The following DISC1 variants were observed in gnomAD, a reference collection of about 807,000 sequenced individuals.
DISC1 encodes the protein DISC1 scaffold protein.
Under a neutral mutation model 84.5 loss-of-function variants are expected in DISC1, and 57 were observed. The ratio of observed to expected loss-of-function variants is 0.67; its 90% CI spans 0.55 to 0.84. The LOEUF is 0.84. Ranked by LOEUF, DISC1 falls within the 40% of genes least tolerant of loss-of-function variation. DISC1 has a pLI of 0.00. For synonymous variants in DISC1, 411 were observed against 415.2 expected (o/e 0.99, Z 0.12); for missense variants, 1,000 against 1,057.8 (o/e 0.95, Z 0.76).
At position 231,800,194 on chromosome 1, in the gene DISC1, A is replaced by G; in HGVS notation, c.1776A>G (p.Lys592=). ...AACTACCAGCCTTGCTTGAAGCCAA[A>G]ATGCATGCCATATCAGGTAACTGGC... ...ETQLPALLEA[K]MHAISGNHFW... The change falls in exon 8 of 13, where the codon AAA becomes AAG. Residue 592 remains lysine, a synonymous_variant. Coordinates refer to ENST00000439617, the MANE Select transcript of DISC1 (RefSeq NM_018662.3). 1 of 1,611,996 alleles carries G rather than the reference A, an allele frequency of 6.2e-7. No individual in the cohort carries two copies. The highest frequency in any genetic ancestry group is 8.5e-7 in the Non-Finnish European group (1 of 1,179,580).
At chr1:231,814,637 T>TTTTTCTCCCCCAAGAATAAAGAG (rs1301599420) in intron 8 of DISC1, among the ~76,000 whole-genome samples, 3 of 152,150 alleles carry the variant, frequency 2.0e-5, no homozygotes, top group African/African-American at 7.2e-5. Flanking sequence ...GGGAGGCAAC[T>TTTTTCTCCCCCAAGAATAAAGAG]TTTTCTCCCC....
At chr1:231,738,089 TC>T (rs35571455) in intron 3 of DISC1, among the ~76,000 whole-genome samples, 26,367 of 152,078 alleles carry the variant, frequency 0.17, 2,518 homozygotes, top group East Asian at 0.34. Flanking sequence ...GCTCAAGCAA[TC>T]CTCCCACCTT....
chr1:231,972,004 A>G (rs2102824394), intron 10 of DISC1, among the ~76,000 whole-genome samples: 1 of 152,352 alleles, frequency 6.6e-6, no homozygotes, highest in African/African-American at 2.4e-5. Context: ...TGTAAATGGG[A>G]AAATAACGAA....
chr1:231,756,002 A>G (rs1293043648), intron 4 of DISC1, among the ~76,000 whole-genome samples: 1 of 152,234 alleles, frequency 6.6e-6, no homozygotes, highest in Non-Finnish European at 1.5e-5. Context: ...TGCTTGCAGG[A>G]TAAAATTCAT....
intron 1 of DISC1, among the ~76,000 whole-genome samples, chr1:231,663,757 C>T (rs937455937): frequency 8.5e-5 from 13 of 152,178 alleles, no homozygotes; most frequent in Non-Finnish European, 1.5e-4. Flanking sequence ...TATATTTAAT[C>T]TATTTGTTTG....
rs1441784142 is a variant in DISC1 at position 232,038,179 on chromosome 1, CAG to C, written c.*1349_*1350del. ...TAGGACAGCATAGTACTCAGTAACACAGGGCAGCTAGTACTCAGTACTATAAG... is the reference window on the plus strand; with the variant it reads ...TAGGACAGCATAGTACTCAGTAACACGGCAGCTAGTACTCAGTACTATAAG... On this transcript the variant is annotated 3_prime_UTR_variant, in exon 13 of 13. Transcript: ENST00000439617. The C allele has an allele frequency of 1.3e-5, 2 of 152,070 alleles. No homozygotes were observed. The highest frequency in any genetic ancestry group is 2.4e-5 in the African/African-American group (1 of 41,390). 9.4% of individuals were successfully genotyped at this position (152,070 alleles called of 1,614,324 possible). A position where few individuals can be genotyped will look rare whatever the true frequency, so the allele number is the denominator to read the frequency against.
At chr1:232,001,388 T>A (rs926320263) in intron 10 of DISC1, among the ~76,000 whole-genome samples, 1 of 152,114 alleles carries the variant, frequency 6.6e-6, no homozygotes, top group African/African-American at 2.4e-5. Context: ...AATAATATTT[T>A]AAAGTGCAGA....
intron 10 of DISC1, among the ~76,000 whole-genome samples, chr1:231,969,392 C>T (rs1425071961): frequency 1.3e-5 from 2 of 151,858 alleles, no homozygotes; most frequent in Non-Finnish European, 2.9e-5. Flanking sequence ...CTGGCTTGTT[C>T]TGGAGTTTTT....
chr1:231,892,400 C>T lies in DISC1; in HGVS notation c.1982-66428C>T, dbSNP rs146089598. Among the ~76,000 whole-genome samples the T allele has an allele frequency of 1.1e-3, 164 of 152,228 alleles. 1 individual carries two copies. The highest frequency in any genetic ancestry group is 3.6e-3 in the African/African-American group (149 of 41,552). ...GTGGGGTGTGGTGTCCAAGTAGTGC[C>T]TTCATGGCTCCCTCACTTATAAACT... On this transcript the variant is annotated intron_variant, in intron 9 of 12. Transcript: ENST00000439617.
intron 6 of DISC1, among the ~76,000 whole-genome samples, chr1:231,794,232 T>TG (rs1225285153): frequency 7.1e-6 from 1 of 140,080 alleles, no homozygotes; most frequent in African/African-American, 2.7e-5. Context: ...TTTATCTTCT[T>TG]GCTAGAATTT....
chr1:231,834,527 G>C (rs928165386), intron 9 of DISC1, among the ~76,000 whole-genome samples: 2 of 152,116 alleles, frequency 1.3e-5, no homozygotes, highest in African/African-American at 2.4e-5. Context: ...AAAATTGAAC[G>C]TGCCGTTTTC....
intron 1 of DISC1, among the ~76,000 whole-genome samples, chr1:231,662,861 C>T (rs2061673938): frequency 6.6e-6 from 1 of 151,980 alleles, no homozygotes; most frequent in Non-Finnish European, 1.5e-5. Flanking sequence ...AAAAGGTCAA[C>T]AAAACACAAA....
At chr1:231,721,616 A>C (rs1387666951) in intron 3 of DISC1, among the ~76,000 whole-genome samples, 1 of 139,436 alleles carries the variant, frequency 7.2e-6, no homozygotes, top group Non-Finnish European at 1.6e-5. Context: ...ACAGCTGTTC[A>C]ACATTTTTTG....
intron 2 of DISC1, among the ~76,000 whole-genome samples, chr1:231,700,591 A>C (rs1256096436): frequency 6.6e-6 from 1 of 152,192 alleles, no homozygotes; most frequent in Non-Finnish European, 1.5e-5. Context: ...ACAGATTTTC[A>C]ACTGTATAGG....
rs1429281319 is a variant in DISC1 at position 232,038,010 on chromosome 1, T to C, written c.*1179T>C. 1 of 152,106 alleles carries C rather than the reference T, an allele frequency of 6.6e-6. No homozygotes were observed. Among genetic ancestry groups the C allele is most frequent in the Non-Finnish European group, 1.5e-5 (1 of 68,150 alleles). The allele number at this position is 152,106 out of a possible 1,614,324, so 9.4% of individuals were successfully genotyped here. A position where few individuals can be genotyped will look rare whatever the true frequency, so the allele number is the denominator to read the frequency against. ...AGTACTCAGTAACACAGTGCAGTAC[T>C]CAGTAATACAGTACAGTACTCAGTA... On this transcript the variant is annotated 3_prime_UTR_variant, in exon 13 of 13. Transcript: ENST00000439617.
chr1:232,016,442 G>C (rs145765967), intron 11 of DISC1, among the ~76,000 whole-genome samples: 1 of 152,074 alleles, frequency 6.6e-6, no homozygotes, highest in African/African-American at 2.4e-5. Context: ...GGTACTAGCC[G>C]GTGCCATGAA....
intron 9 of DISC1, among the ~76,000 whole-genome samples, chr1:231,936,868 G>A (rs1019353916): frequency 2.6e-5 from 4 of 152,106 alleles, no homozygotes; most frequent in Non-Finnish European, 5.9e-5. Flanking sequence ...AGATTCCAAG[G>A]TAGCAACAAA....
intron 1 of DISC1, among the ~76,000 whole-genome samples, chr1:231,683,931 T>C (rs2063957189): frequency 6.6e-6 from 1 of 152,038 alleles, no homozygotes; most frequent in South Asian, 2.1e-4. Flanking sequence ...ACACTGCCTT[T>C]CACACTGTGC....
chr1:231,648,046 T>G (rs2060284636), intron 1 of DISC1, among the ~76,000 whole-genome samples: 1 of 152,268 alleles, frequency 6.6e-6, no homozygotes, highest in African/African-American at 2.4e-5. Context: ...TGGAATACTC[T>G]TTATTTCTTT....
Sources: allele counts gnomAD v4.1 joint callset (sites outside exome capture counted in the v4.1 genomes callset), GRCh38; gene constraint gnomAD v4.1.1; transcripts MANE v1.5; gene names NCBI Gene and HGNC (gene_info 2026-07-23, HGNC 2026-07-21).